Variants in NCOR1 observed in about 807,000 individuals in gnomAD.
The protein encoded by NCOR1 is nuclear receptor corepressor 1.
Under a neutral mutation model 288.1 loss-of-function variants are expected in NCOR1, and 63 were observed. The observed-to-expected ratio is 0.22, with a 90% confidence interval of 0.18 to 0.27. NCOR1 has a LOEUF of 0.27. Ranked by LOEUF, NCOR1 falls within the 10% of genes least tolerant of loss-of-function variation. The probability of loss-of-function intolerance (pLI) is 1.00; values close to 1 mark genes in which losing one functional copy is unlikely to be tolerated. For missense variants in NCOR1, 2,397 were observed against 3,019.2 expected (o/e 0.79, Z 4.83); for synonymous variants, 1,007 against 1,065.9 (o/e 0.94, Z 1.08).
intron 19 of NCOR1, among the ~76,000 whole-genome samples, chr17:16,104,809 C>G (rs933768130): frequency 2.0e-5 from 3 of 152,020 alleles, no homozygotes; most frequent in African/African-American, 7.2e-5. Context: ...AGGTGGTGAT[C>G]AGTGCAGTGA....
chr17:16,205,231 AAAAG>A lies in NCOR1; in HGVS notation c.-71+10127_-71+10130del, dbSNP rs547281897. On this transcript the variant is annotated intron_variant, in intron 1 of 45. Transcript: ENST00000268712. ...GCAAAACTCTGTCTCACAAAAAAAAAAAAGAAAGAAAAAAGTGAGTATGTAGAGA... is the reference window on the plus strand; with the variant it reads ...GCAAAACTCTGTCTCACAAAAAAAAAAAAGAAAAAAGTGAGTATGTAGAGA... Among the ~76,000 whole-genome samples, 170 of 152,210 alleles carry A rather than the reference AAAAG, an allele frequency of 1.1e-3. 1 individual carries two copies. The highest frequency in any genetic ancestry group is 3.9e-3 in the African/African-American group (162 of 41,498).
Position 16,138,227 on chromosome 17 carries a change from A to C in NCOR1, c.1353-15T>G, listed in dbSNP as rs1254164614. 6.2e-7 allele frequency: 1 copy of C among 1,603,490 alleles called. No individual in the cohort carries two copies. Among genetic ancestry groups the C allele is most frequent in the Non-Finnish European group, 8.5e-7 (1 of 1,173,104 alleles). On this transcript the variant is annotated splice_polypyrimidine_tract_variant and intron_variant, in intron 12 of 45. Coordinates refer to ENST00000268712, the MANE Select transcript of NCOR1 (RefSeq NM_006311.4). Reference sequence around the variant, plus strand: ...GCTGGATAAACCTGAGTGAAAACGAAAACAAAAACACACTTGCGTACAAAT... The same window carrying C: ...GCTGGATAAACCTGAGTGAAAACGACAACAAAAACACACTTGCGTACAAAT...
At chr17:16,178,108 C>T (rs1445346396) in intron 3 of NCOR1, among the ~76,000 whole-genome samples, 1 of 152,086 alleles carries the variant, frequency 6.6e-6, no homozygotes, top group Admixed American at 6.6e-5. Context: ...ACTCTAGAGG[C>T]TGAGGCATGA....
At chr17:16,071,259 A>G in intron 30 of NCOR1, 150 bp downstream of exon 30, 1 of 1,199,912 alleles carries the variant, frequency 8.3e-7, no homozygotes, top group Non-Finnish European at 1.2e-6. Context: ...AGCCTGGTCC[A>G]CAGAGGAAAA....
In NCOR1 at chr17:16,143,678, A is replaced by G. The variant is rs2153310896; in HGVS notation, c.1101T>C (p.Ala367=). 4 of 1,613,726 alleles carry G rather than the reference A, an allele frequency of 2.5e-6. No homozygotes were observed. The highest frequency in any genetic ancestry group is 3.4e-6 in the Non-Finnish European group (4 of 1,179,650). ...TCCTAGCAATGGTGGCTGAAAGACC[A>G]GCTCCCCTCTGCCCAACTCTAAACA... ...ERFQRVGQRG[A]GLSATIARSE... Residue 367 remains alanine (A), a synonymous_variant, in exon 11 of 46, where the codon GCT becomes GCC. Transcript: ENST00000268712.
At chr17:16,204,134 A>C (rs541349615) in intron 1 of NCOR1, among the ~76,000 whole-genome samples, 10 of 152,324 alleles carry the variant, frequency 6.6e-5, no homozygotes, top group African/African-American at 2.4e-4. Context: ...AAAATAAAAT[A>C]ATACACAAGA....
In NCOR1 at chr17:16,057,685, T is replaced by A. The variant is rs557251868; in HGVS notation, c.6221A>T (p.Gln2074Leu). Reference protein sequence around the residue: ...ARNQVSSQTPQQPPTSTFQNS... With the variant: ...ARNQVSSQTPLQPPTSTFQNS... ...CTGGAATGTAGAAGTAGGAGGCTGC[T>A]GGGGAGTCTGCGAGGAAACTTGATT... is the stretch of plus-strand genomic sequence containing the variant. The change falls in exon 40 of 46, where the codon CAG (glutamine) becomes CTG (leucine). Residue 2074 changes from glutamine (Q) to leucine (L), a missense_variant. By Grantham distance (113) the Gln-to-Leu change is moderately radical (BLOSUM62 -2). This residue lies in a region of NCOR1 where 1,872 missense variants were observed against 2,187.8 expected (regional missense o/e 0.86). Coordinates refer to ENST00000268712, the MANE Select transcript of NCOR1 (RefSeq NM_006311.4). 1.9e-6 allele frequency: 3 copies of A among 1,614,034 alleles called. No individual in the cohort carries two copies. The African/African-American group carries it at 4.0e-5, about 22-fold the overall frequency.
intron 35 of NCOR1, among the ~76,000 whole-genome samples, chr17:16,063,080 C>A (rs971790617): frequency 6.6e-6 from 1 of 152,158 alleles, no homozygotes; most frequent in Admixed American, 6.5e-5. Flanking sequence ...TTTTAGCACA[C>A]ACCCCTCTTC....
At chr17:16,208,073 G>A (rs560539184) in intron 1 of NCOR1, among the ~76,000 whole-genome samples, 44 of 114,096 alleles carry the variant, frequency 3.9e-4, no homozygotes, top group Admixed American at 3.8e-3. Context: ...ACGGAGTCTC[G>A]CTCTGTCGCT....
chr17:16,163,762 TC>T (rs1293992606), intron 5 of NCOR1, among the ~76,000 whole-genome samples: 1 of 152,134 alleles, frequency 6.6e-6, no homozygotes, highest in African/African-American at 2.4e-5. Flanking sequence ...CAAATATCCA[TC>T]AACTAATGAA....
chr17:16,182,360 T>C (rs1230464335), intron 3 of NCOR1, among the ~76,000 whole-genome samples: 3 of 152,232 alleles, frequency 2.0e-5, no homozygotes, highest in African/African-American at 7.2e-5. Context: ...AATGATCTAC[T>C]ACTACTAATT....
At chr17:16,210,511 T>G (rs956781351) in intron 1 of NCOR1, among the ~76,000 whole-genome samples, 16 of 152,190 alleles carry the variant, frequency 1.1e-4, no homozygotes, top group African/African-American at 3.9e-4. Flanking sequence ...TGGACCCAGA[T>G]AACCTCAAAG....
At chr17:16,116,302 T>C (rs1200093694) in intron 18 of NCOR1, among the ~76,000 whole-genome samples, 3 of 152,146 alleles carry the variant, frequency 2.0e-5, no homozygotes, top group African/African-American at 7.2e-5. Flanking sequence ...CATCATGAAA[T>C]GGCCATTTGG....
chr17:16,164,083 A>G (rs1233556247), intron 5 of NCOR1, among the ~76,000 whole-genome samples: 2 of 152,090 alleles, frequency 1.3e-5, no homozygotes, highest in African/African-American at 4.8e-5. Context: ...TAGCTGTACA[A>G]CTTTATGAAT....
chr17:16,202,849 C>G (rs1329360573), intron 1 of NCOR1, among the ~76,000 whole-genome samples: 1 of 152,294 alleles, frequency 6.6e-6, no homozygotes, highest in East Asian at 1.9e-4. Flanking sequence ...CACCCCCGAG[C>G]TCCATAAATC....
chr17:16,089,862 A>G (rs985423175), intron 22 of NCOR1, among the ~76,000 whole-genome samples: 2 of 152,292 alleles, frequency 1.3e-5, no homozygotes, highest in Admixed American at 1.3e-4. Context: ...TAAACAAATT[A>G]CAGGATGAAT....
At chr17:16,130,988 A>ATTTT (rs773227977) in intron 14 of NCOR1, among the ~76,000 whole-genome samples, 1 of 121,776 alleles carries the variant, frequency 8.2e-6, no homozygotes, top group Non-Finnish European at 1.7e-5. Flanking sequence ...CGCACCTGGA[A>ATTTT]TTTTTTTTTT....
In NCOR1 at chr17:16,086,452, G is replaced by C; in HGVS notation, c.3017-10C>G. ...GGAGCAGGCTGAAGGACTTTTAAAA[G>C]GAAAGAAAAATGATTTTAAACTAGT... On this transcript the variant is annotated splice_polypyrimidine_tract_variant and intron_variant, in intron 22 of 45. Coordinates refer to ENST00000268712, the MANE Select transcript of NCOR1 (RefSeq NM_006311.4). 1 of 1,600,426 alleles carries C rather than the reference G, an allele frequency of 6.2e-7. No individual in the cohort carries two copies. The highest frequency in any genetic ancestry group is 2.2e-5 in the East Asian group (1 of 44,652).
At chr17:16,063,050 T>C (rs114864845) in intron 35 of NCOR1, among the ~76,000 whole-genome samples, 1 of 152,202 alleles carries the variant, frequency 6.6e-6, no homozygotes, top group African/African-American at 2.4e-5. Context: ...ACTGGCTTCA[T>C]AACAGCTAGC....
Sources: allele counts gnomAD v4.1 joint callset (sites outside exome capture counted in the v4.1 genomes callset), GRCh38; gene constraint gnomAD v4.1.1; regional missense constraint gnomAD v4.1.1; transcripts MANE v1.5; gene names NCBI Gene and HGNC (gene_info 2026-07-23, HGNC 2026-07-21).